The following IL12RB2 variants were observed in gnomAD, a reference collection of about 807,000 sequenced individuals.
The protein encoded by IL12RB2 is interleukin 12 receptor subunit beta 2, also known as interleukin-12 receptor subunit beta-2.
A neutral mutation model predicts 89.4 loss-of-function variants in IL12RB2; 82 were observed. The observed-to-expected ratio is 0.92, with a 90% CI of 0.77 to 1.10. IL12RB2 has a LOEUF of 1.10. Ranked by LOEUF, IL12RB2 falls within the 50% of genes least tolerant of loss-of-function variation. The pLI is 0.00. For synonymous variants in IL12RB2, 368 were observed against 370.1 expected, an observed-to-expected ratio of 0.99 and a Z score of 0.07; for missense variants, 963 against 1,031.9, an observed-to-expected ratio of 0.93 and a Z score of 0.92.
intron 16 of IL12RB2, among the ~76,000 whole-genome samples, chr1:67,393,130 C>T (rs1208872263): frequency 6.6e-6 from 1 of 152,158 alleles, no homozygotes; most frequent in Non-Finnish European, 1.5e-5. Flanking sequence ...CAGAGGCAGA[C>T]AACAGAAACA....
chr1:67,321,957 G>T (rs564148255), intron 4 of IL12RB2, 68 bp downstream of exon 4: 141 of 1,385,466 alleles, frequency 1.0e-4, no homozygotes, highest in Middle Eastern at 1.8e-4. Context: ...TTGGTATTTG[G>T]TGTTAAACAG....
chr1:67,334,211 T>G (rs1301324075), intron 8 of IL12RB2, among the ~76,000 whole-genome samples: 1 of 152,234 alleles, frequency 6.6e-6, no homozygotes, highest in Non-Finnish European at 1.5e-5. Context: ...TGTGAACAAT[T>G]AAATACTAGA....
intron 2 of IL12RB2, among the ~76,000 whole-genome samples, chr1:67,315,330 G>T (rs1001151662): frequency 2.6e-5 from 4 of 151,828 alleles, no homozygotes; most frequent in African/African-American, 9.7e-5. Flanking sequence ...GAATGTTATA[G>T]CTTCATAAAT....
At chr1:67,382,376 T>C (rs1464643036) in intron 14 of IL12RB2, among the ~76,000 whole-genome samples, 1 of 152,198 alleles carries the variant, frequency 6.6e-6, no homozygotes, top group Non-Finnish European at 1.5e-5. Flanking sequence ...CAGCCTGTTT[T>C]TCATTCAATC....
chr1:67,350,122 A>C (rs1421986341), intron 9 of IL12RB2, among the ~76,000 whole-genome samples: 2 of 152,218 alleles, frequency 1.3e-5, no homozygotes, highest in African/African-American at 4.8e-5. Context: ...CTCACCTTGC[A>C]TGAGGCATGG....
intron 9 of IL12RB2, among the ~76,000 whole-genome samples, chr1:67,345,045 G>C (rs1660064122): frequency 6.6e-6 from 1 of 152,030 alleles, no homozygotes; most frequent in Non-Finnish European, 1.5e-5. Context: ...GTGGCATACG[G>C]CTGTAATTCC....
rs200779047 is a variant in IL12RB2, at chr1:67,349,922, C to A, written c.1039-948C>A. Among the ~76,000 whole-genome samples, 9 of 152,226 alleles carry A rather than the reference C, an allele frequency of 5.9e-5. No homozygotes were observed. In the East Asian group the frequency reaches 1.2e-3, roughly 20 times the overall value. ...AACCAGATGTTCATGTTAGCCCAGCCTTTCCTGACAGATAATCGACAGAGG... is the reference window on the plus strand; with the variant it reads ...AACCAGATGTTCATGTTAGCCCAGCATTTCCTGACAGATAATCGACAGAGG... On this transcript the variant is annotated intron_variant, in intron 9 of 16. Coordinates refer to ENST00000674203, the MANE Select transcript of IL12RB2 (RefSeq NM_001374259.2).
At chr1:67,387,225 A>ATTCT (rs1459395790) in intron 15 of IL12RB2, among the ~76,000 whole-genome samples, 2 of 151,510 alleles carry the variant, frequency 1.3e-5, no homozygotes, top group East Asian at 3.9e-4. Context: ...CCACTGCACC[A>ATTCT]AGCCTATTCT....
chr1:67,363,357 C>T (rs1468858053), intron 10 of IL12RB2, among the ~76,000 whole-genome samples: 10 of 151,630 alleles, frequency 6.6e-5, no homozygotes, highest in African/African-American at 2.2e-4. Flanking sequence ...GCTGGGATTA[C>T]AGGCATGTGC....
chr1:67,315,915 C>A (rs1341872077), intron 2 of IL12RB2, among the ~76,000 whole-genome samples: 4 of 151,926 alleles, frequency 2.6e-5, no homozygotes, highest in African/African-American at 9.7e-5. Flanking sequence ...TTTTCAAGTG[C>A]CTTTAACTCA....
In IL12RB2 at chr1:67,372,738, A is replaced by G; in HGVS notation, c.1672A>G (p.Ile558Val). The part of the protein sequence containing the change: ...EQMGCLLHYR[I>V]YWKERDSNSQ... ...AATGGGCTGCCTCCTCCATTATAGG[A>G]TATACTGGAAGGAACGGGACTCCAA... The change falls in exon 13 of 17, where the codon ATA (isoleucine) becomes GTA (valine). Residue 558 changes from isoleucine (I) to valine (V), a missense_variant. Physicochemically the swap from Ile to Val is conservative, Grantham distance 29. Coordinates refer to ENST00000674203, the MANE Select transcript of IL12RB2 (RefSeq NM_001374259.2). The G allele has an allele frequency of 6.2e-7, 1 of 1,600,110 alleles. No homozygotes were observed. Among genetic ancestry groups the G allele is most frequent in the Non-Finnish European group, 8.6e-7 (1 of 1,167,272 alleles).
chr1:67,362,701 T>C (rs890641848), intron 10 of IL12RB2, among the ~76,000 whole-genome samples: 1 of 151,626 alleles, frequency 6.6e-6, no homozygotes, highest in Admixed American at 6.6e-5. Flanking sequence ...CGCTGTGAAA[T>C]TATACTTTAA....
At chr1:67,334,373 A>G (rs1658481142) in intron 8 of IL12RB2, among the ~76,000 whole-genome samples, 1 of 152,254 alleles carries the variant, frequency 6.6e-6, no homozygotes, top group South Asian at 2.1e-4. Context: ...GCAAGCTGCC[A>G]TTGACAATAC....
chr1:67,370,955 T>C (rs943519041), intron 11 of IL12RB2, among the ~76,000 whole-genome samples: 1 of 152,188 alleles, frequency 6.6e-6, no homozygotes, highest in African/African-American at 2.4e-5. Flanking sequence ...AACTCACATT[T>C]TGAATGGCAA....
intron 8 of IL12RB2, among the ~76,000 whole-genome samples, chr1:67,333,389 C>CTTTT (rs546599054): frequency 1.6e-5 from 2 of 124,044 alleles, no homozygotes; most frequent in Non-Finnish European, 3.5e-5. Context: ...TAATAGTAAG[C>CTTTT]TTTTTTTTTT....
chr1:67,354,476 A>G (rs969315792), intron 10 of IL12RB2, among the ~76,000 whole-genome samples: 3 of 152,202 alleles, frequency 2.0e-5, no homozygotes, highest in Non-Finnish European at 4.4e-5. Context: ...ACCATTGATC[A>G]TAGAATGCTA....
At position 67,380,052 on chromosome 1, in the gene IL12RB2, T is replaced by C; in HGVS notation, c.1784T>C (p.Val595Ala). ...AGCCTGCAGCCCCGAGTGACATATG[T>C]CCTGTGGATGACAGCTCTGACAGCT... is the stretch of plus-strand genomic sequence containing the variant. ...INSLQPRVTY[V>A]LWMTALTAAG... Residue 595 changes from valine (V) to alanine (A), a missense_variant, in exon 14 of 17, where the codon GTC becomes GCC. Physicochemically the swap from Val to Ala is moderately conservative, Grantham distance 64. Transcript: ENST00000674203. 1.9e-6 allele frequency: 3 copies of C among 1,613,660 alleles called. No individual in the cohort carries two copies. Among genetic ancestry groups the C allele is most frequent in the Non-Finnish European group, 2.5e-6 (3 of 1,179,568 alleles).
chr1:67,323,187 C>A (rs1156331669), intron 4 of IL12RB2, among the ~76,000 whole-genome samples: 1 of 152,128 alleles, frequency 6.6e-6, no homozygotes, highest in Non-Finnish European at 1.5e-5. Context: ...GGAGGGCCAC[C>A]AGAAGCACGG....
At chr1:67,377,346 G>A (rs1349304689) in intron 13 of IL12RB2, among the ~76,000 whole-genome samples, 5 of 152,080 alleles carry the variant, frequency 3.3e-5, no homozygotes, top group Non-Finnish European at 7.4e-5. Context: ...AGTATATGAC[G>A]CTGAGTTCTA....
Sources: gnomAD v4.1 joint callset for allele counts (sites outside exome capture counted in the v4.1 genomes callset) on GRCh38, gnomAD v4.1.1 for gene constraint, MANE v1.5 for transcripts, NCBI Gene and HGNC (gene_info 2026-07-23, HGNC 2026-07-21) for gene names.